RIMS2: variants seen among roughly 807,000 people sequenced by gnomAD.
RIMS2 encodes regulating synaptic membrane exocytosis protein 2.
Under a neutral mutation model 174.4 loss-of-function variants are expected in RIMS2, and 59 were observed. The observed-to-expected ratio is 0.34, with a 90% CI of 0.27 to 0.42. RIMS2 has a LOEUF of 0.42. Among genes scored for constraint, RIMS2 ranks in the 10% least tolerant of loss-of-function variants. The pLI is 1.00. For synonymous variants in RIMS2, 606 were observed against 572.5 expected (o/e 1.06, Z -0.84); for missense variants, 1,620 against 1,666.3 (o/e 0.97, Z 0.48).
chr8:103,934,444 T>A (rs575025525), intron 12 of RIMS2, among the ~76,000 whole-genome samples: 1 of 152,288 alleles, frequency 6.6e-6, no homozygotes, highest in African/African-American at 2.4e-5. Context: ...ACTCATTTTT[T>A]TAACTTGCTG....
At chr8:103,547,938 A>G (rs1029993126) in intron 1 of RIMS2, among the ~76,000 whole-genome samples, 1 of 152,136 alleles carries the variant, frequency 6.6e-6, no homozygotes, top group Admixed American at 6.5e-5. Context: ...CTGGAAACAT[A>G]CCACCTGCCA....
intron 1 of RIMS2, among the ~76,000 whole-genome samples, chr8:103,616,667 C>G (rs1285240839): frequency 6.6e-6 from 1 of 152,080 alleles, no homozygotes; most frequent in Non-Finnish European, 1.5e-5. Flanking sequence ...ACAACTTTAA[C>G]AAAGTTGCAG....
chr8:103,813,851 C>T (rs574180319), intron 3 of RIMS2, among the ~76,000 whole-genome samples: 50 of 152,074 alleles, frequency 3.3e-4, no homozygotes, highest in African/African-American at 1.1e-3. Flanking sequence ...TGAATAGTGC[C>T]GCAATAAATA....
intron 11 of RIMS2, among the ~76,000 whole-genome samples, chr8:103,928,375 A>G (rs990220214): frequency 1.3e-5 from 2 of 151,550 alleles, no homozygotes; most frequent in East Asian, 1.9e-4. Flanking sequence ...CACATATTAT[A>G]TATAAGGTTC....
intron 4 of RIMS2, among the ~76,000 whole-genome samples, chr8:103,906,995 G>A (rs555081062): frequency 1.3e-5 from 2 of 152,186 alleles, no homozygotes; most frequent in African/African-American, 4.8e-5. Flanking sequence ...CCCACAGAAA[G>A]AATGGGGTTC....
chr8:103,790,596 CTT>C (rs1339778643), intron 3 of RIMS2, among the ~76,000 whole-genome samples: 1 of 151,978 alleles, frequency 6.6e-6, no homozygotes, highest in Non-Finnish European at 1.5e-5. Context: ...TTTTAATTCT[CTT>C]GTCTGTATTT....
intron 3 of RIMS2, among the ~76,000 whole-genome samples, chr8:103,831,385 A>G (rs996227856): frequency 3.3e-5 from 5 of 152,124 alleles, no homozygotes; most frequent in Non-Finnish European, 7.3e-5. Context: ...CTAATAACAC[A>G]CAGTGTCAGG....
At chr8:103,870,024 G>A (rs1412632918) in intron 3 of RIMS2, among the ~76,000 whole-genome samples, 1 of 151,974 alleles carries the variant, frequency 6.6e-6, no homozygotes, top group East Asian at 1.9e-4. Flanking sequence ...GTTACAGTGA[G>A]CCTTTGGCTG....
chr8:104,196,205 T>C (rs1328779728), intron 19 of RIMS2, among the ~76,000 whole-genome samples: 1 of 152,140 alleles, frequency 6.6e-6, no homozygotes, highest in Non-Finnish European at 1.5e-5. Context: ...CAAAGTCTTA[T>C]AATGAATTTA....
chr8:103,792,433 G>A (rs1395083882), intron 3 of RIMS2, among the ~76,000 whole-genome samples: 1 of 152,004 alleles, frequency 6.6e-6, no homozygotes, highest in Admixed American at 6.6e-5. Flanking sequence ...TGTGTAGAGG[G>A]AAATTTATAG....
chr8:103,567,937 C>T (rs1198716746), intron 1 of RIMS2, among the ~76,000 whole-genome samples: 1 of 152,076 alleles, frequency 6.6e-6, no homozygotes, highest in Non-Finnish European at 1.5e-5. Context: ...TTCATGTGCT[C>T]ATTGGCTGTT....
chr8:103,660,515 T>C (rs557828091), intron 1 of RIMS2, among the ~76,000 whole-genome samples: 1 of 152,166 alleles, frequency 6.6e-6, no homozygotes, highest in Non-Finnish European at 1.5e-5. Context: ...CCTCATTTTA[T>C]TGGTGATGAT....
intron 1 of RIMS2, among the ~76,000 whole-genome samples, chr8:103,678,451 C>T (rs2096841440): frequency 1.3e-5 from 2 of 152,040 alleles, no homozygotes. Flanking sequence ...TCATATAATA[C>T]AGTGCTTTGA....
At chr8:103,921,816 G>A in intron 10 of RIMS2, 32 bp downstream of exon 13, 1 of 797,622 alleles carries the variant, frequency 1.3e-6, no homozygotes, top group Non-Finnish European at 2.2e-6. Context: ...TCTTCTTTTT[G>A]GAATATCAAA....
intron 19 of RIMS2, among the ~76,000 whole-genome samples, chr8:104,026,400 T>C (rs996099915): frequency 1.3e-5 from 2 of 152,206 alleles, no homozygotes; most frequent in Admixed American, 6.5e-5. Context: ...TTCATTATTG[T>C]TTGTTAATTT....
intron 19 of RIMS2, among the ~76,000 whole-genome samples, chr8:104,166,091 G>A (rs2098795904): frequency 7.6e-6 from 1 of 132,194 alleles, no homozygotes; most frequent in African/African-American, 2.8e-5. Flanking sequence ...TTTTGAGACA[G>A]AGTCTCGCTC....
At chr8:104,003,417 C>G (rs76665179) in intron 17 of RIMS2, among the ~76,000 whole-genome samples, 1 of 142,236 alleles carries the variant, frequency 7.0e-6, no homozygotes, top group African/African-American at 2.6e-5. Context: ...TGTGAAGAAT[C>G]TTTTTTTTTT....
At chr8:104,153,667 A>C (rs183124701) in intron 19 of RIMS2, among the ~76,000 whole-genome samples, 58 of 152,304 alleles carry the variant, frequency 3.8e-4, no homozygotes, top group African/African-American at 1.4e-3. Context: ...ATAGAACTGG[A>C]TAAGATTATA....
At chr8:103,621,773 A>G (rs1478062652) in intron 1 of RIMS2, among the ~76,000 whole-genome samples, 1 of 152,250 alleles carries the variant, frequency 6.6e-6, no homozygotes, top group African/African-American at 2.4e-5. Flanking sequence ...ATTCACAAAC[A>G]TCAGAAGGAA....
Sources: gnomAD v4.1 joint callset for allele counts (sites outside exome capture counted in the v4.1 genomes callset) on GRCh38, gnomAD v4.1.1 for gene constraint, MANE v1.5 for transcripts, NCBI Gene and HGNC (gene_info 2026-07-23, HGNC 2026-07-21) for gene names.